The following SYAP1 variants were observed in gnomAD, a reference collection of about 807,000 sequenced individuals.
The protein encoded by SYAP1 is synapse associated protein 1.
In SYAP1, 3 loss-of-function variants were observed where a neutral mutation model predicts 29.6. The ratio of observed to expected loss-of-function variants is 0.10; its 90% CI spans 0.05 to 0.26. The LOEUF is 0.26. Among genes scored for constraint, SYAP1 ranks in the 10% least tolerant of loss-of-function variants. The probability of loss-of-function intolerance (pLI) is 1.00; values close to 1 mark genes in which losing one functional copy is unlikely to be tolerated. For missense variants in SYAP1, 217 were observed against 264.1 expected, an observed-to-expected ratio of 0.82 and a Z score of 1.24; for synonymous variants, 102 against 102.7, an observed-to-expected ratio of 0.99 and a Z score of 0.04.
chrX:16,753,965 G>A (rs1361057706), intron 5 of SYAP1, among the ~76,000 whole-genome samples: 2 of 110,663 alleles, frequency 1.8e-5, no homozygotes, highest in Non-Finnish European at 3.8e-5. Flanking sequence ...CCACCCCCCT[G>A]TGTGGACACT....
At chrX:16,731,715 G>A (rs993592894) in intron 1 of SYAP1, among the ~76,000 whole-genome samples, 1 of 111,732 alleles carries the variant, frequency 8.9e-6, no homozygotes, top group African/African-American at 3.3e-5. Context: ...TGAGGTGGGC[G>A]GAACATCTGA....
intron 8 of SYAP1, among the ~76,000 whole-genome samples, chrX:16,758,124 G>A (rs1296276520): frequency 9.1e-6 from 1 of 110,380 alleles, no homozygotes; most frequent in African/African-American, 3.3e-5. Context: ...GCTCACTGCA[G>A]CCTCAAACTC....
chrX:16,745,747 A>AG, intron 5 of SYAP1, among the ~76,000 whole-genome samples: 1 of 108,748 alleles, frequency 9.2e-6, no homozygotes, highest in Middle Eastern at 4.7e-3. Context: ...CAAAAAAAAA[A>AG]AAAAAAGATT....
chrX:16,745,972 T>G (rs764159712), intron 5 of SYAP1, among the ~76,000 whole-genome samples: 1 of 110,680 alleles, frequency 9.0e-6, no homozygotes, highest in African/African-American at 3.3e-5. Context: ...AACAAATATT[T>G]GCTAGCCTTT....
chrX:16,748,760 C>CT lies in SYAP1; in HGVS notation c.575+4932dup, dbSNP rs146948101. Among the ~76,000 whole-genome samples the CT allele has an allele frequency of 2.3e-3, 213 of 93,920 alleles. 1 individual carries two copies. The highest frequency in any genetic ancestry group is 5.4e-3 in the African/African-American group (139 of 25,639). 81.6% of individuals were successfully genotyped at this position (93,920 alleles called of 115,157 possible). On this transcript the variant is annotated intron_variant, in intron 5 of 8. Transcript: ENST00000380155. ...CAATTAATTTTTTTCTTTTTTTTTT[C>CT]TTTTTTTTTTTTGAGACAGAGTCTC...
intron 5 of SYAP1, among the ~76,000 whole-genome samples, chrX:16,746,177 CAAAAAAA>C (rs11307737): frequency 1.6e-5 from 1 of 63,865 alleles, no homozygotes; most frequent in Non-Finnish European, 2.8e-5. Flanking sequence ...TGTTTTATGG[CAAAAAAA>C]AAAAAAAAAA....
chrX:16,754,621 G>A (rs1460238910), intron 5 of SYAP1, among the ~76,000 whole-genome samples: 15 of 110,485 alleles, frequency 1.4e-4, no homozygotes, highest in Admixed American at 1.9e-4. Context: ...CCAGCAACTC[G>A]GGAGGCTGAG....
At chrX:16,755,519 GGC>G (rs1349733599) in intron 6 of SYAP1, among the ~76,000 whole-genome samples, 1 of 106,787 alleles carries the variant, frequency 9.4e-6, no homozygotes, top group African/African-American at 3.4e-5. Flanking sequence ...TCTCATTTTT[GGC>G]CCTTAACCAT....
chrX:16,736,513 T>A, intron 3 of SYAP1: 1 of 186,444 alleles, frequency 5.4e-6, no homozygotes, highest in Non-Finnish European at 9.9e-6. Flanking sequence ...TCTTTTCTTT[T>A]CCCCCACCGA....
intron 5 of SYAP1, among the ~76,000 whole-genome samples, chrX:16,750,754 C>G (rs1926712039): frequency 1.8e-5 from 2 of 108,225 alleles, no homozygotes; most frequent in Non-Finnish European, 3.8e-5. Context: ...TTATTTTCTG[C>G]TAGTTCTCAC....
intron 5 of SYAP1, among the ~76,000 whole-genome samples, chrX:16,750,829 GC>G (rs1234185548): frequency 9.6e-6 from 1 of 103,758 alleles, no homozygotes; most frequent in Non-Finnish European, 2.0e-5. Flanking sequence ...GTGCGATGGC[GC>G]CATCTTGGCT....
rs771403760 is a variant in SYAP1 at position 16,741,722 on chromosome X, C to T, written c.368C>T (p.Ala123Val). Reference protein sequence around the residue: ...EEQHTKKSEAAVPPWVDTNDE... With the variant: ...EEQHTKKSEAVVPPWVDTNDE... The stretch of plus-strand genomic sequence containing the variant: ...GCCATTAAAAACTGTATAGAAGCAG[C>T]TGTGCCCCCATGGGTTGACACTAAC... Residue 123 changes from alanine to valine, a missense_variant, in exon 4 of 9, where the codon GCT becomes GTT. Coordinates refer to ENST00000380155, the MANE Select transcript of SYAP1 (RefSeq NM_032796.4). 5.8e-6 allele frequency: 7 copies of T among 1,200,495 alleles called. No individual in the cohort carries two copies. The highest frequency in any genetic ancestry group is 7.9e-6 in the Non-Finnish European group (7 of 890,749).
chrX:16,740,842 C>T (rs1158852244), intron 3 of SYAP1, among the ~76,000 whole-genome samples: 4 of 111,789 alleles, frequency 3.6e-5, no homozygotes, highest in Admixed American at 9.6e-5. Flanking sequence ...TTGTCCCCCT[C>T]GTATAGGATC....
chrX:16,735,349 T>C lies in SYAP1; in HGVS notation c.294+4T>C, dbSNP rs766826708. 1 of 1,055,020 alleles carries C rather than the reference T, an allele frequency of 9.5e-7. No individual in the cohort carries two copies. Among genetic ancestry groups the C allele is most frequent in the Non-Finnish European group, 1.3e-6 (1 of 768,579 alleles). The allele number at this position is 1,055,020 out of a possible 1,213,427, so 86.9% of individuals were successfully genotyped here. ...AATAGATGGCATCATTGACAAGGTA[T>C]ATTCAATTATCTTTTGGAAGTAGAA... On this transcript the variant is annotated splice_donor_region_variant and intron_variant, in intron 2 of 8. Coordinates refer to ENST00000380155, the MANE Select transcript of SYAP1 (RefSeq NM_032796.4).
At chrX:16,729,984 A>C (rs1926172415) in intron 1 of SYAP1, among the ~76,000 whole-genome samples, 1 of 111,864 alleles carries the variant, frequency 8.9e-6, no homozygotes, top group Non-Finnish European at 1.9e-5. Flanking sequence ...GCCTCCTTAT[A>C]ATCTTTTTAC....
intron 5 of SYAP1, among the ~76,000 whole-genome samples, chrX:16,744,915 A>T (rs1258862288): frequency 8.9e-6 from 1 of 112,529 alleles, no homozygotes; most frequent in African/African-American, 3.2e-5. Context: ...GCAGTGAGCC[A>T]TGATCACGCC....
At chrX:16,757,839 G>A (rs1248765880) in intron 8 of SYAP1, among the ~76,000 whole-genome samples, 2 of 108,496 alleles carry the variant, frequency 1.8e-5, no homozygotes, top group Non-Finnish European at 3.8e-5. Context: ...CCCGGGAGGC[G>A]GATGTTGCAG....
chrX:16,740,629 C>T (rs1437370124), intron 3 of SYAP1, among the ~76,000 whole-genome samples: 2 of 111,270 alleles, frequency 1.8e-5, no homozygotes, highest in Non-Finnish European at 3.8e-5. Flanking sequence ...TTATTCACGC[C>T]CTCTCTCCAG....
chrX:16,744,836 C>T (rs1041666502), intron 5 of SYAP1, among the ~76,000 whole-genome samples: 13 of 109,681 alleles, frequency 1.2e-4, no homozygotes, highest in Non-Finnish European at 2.1e-4. Flanking sequence ...CGTAGTGGTG[C>T]GCACCTTTAG....
Sources: allele counts gnomAD v4.1 joint callset (sites outside exome capture counted in the v4.1 genomes callset), GRCh38; gene constraint gnomAD v4.1.1; transcripts MANE v1.5; gene names NCBI Gene and HGNC (gene_info 2026-07-23, HGNC 2026-07-21).